Variants in ZDHHC2 observed in about 807,000 individuals in gnomAD.
The protein encoded by ZDHHC2 is palmitoyltransferase ZDHHC2.
A neutral mutation model predicts 55.6 loss-of-function variants in ZDHHC2; 51 were observed. That is an observed-to-expected ratio of 0.92 (90% CI 0.73 to 1.16). The LOEUF (loss-of-function observed/expected upper bound fraction) is 1.16, where lower values mean the gene tolerates loss of function less well. Among genes scored for constraint, ZDHHC2 ranks in the 50% most tolerant of loss-of-function variants. The pLI is 0.00. For synonymous variants in ZDHHC2, 199 were observed against 152.9 expected, an observed-to-expected ratio of 1.30 and a Z score of -2.22; for missense variants, 491 against 442.4, an observed-to-expected ratio of 1.11 and a Z score of -0.99.
At chr8:17,156,958 G>T (rs1804088872) in intron 1 of ZDHHC2, 105 bp downstream of exon 1, 2 of 1,157,864 alleles carry the variant, frequency 1.7e-6, no homozygotes, top group South Asian at 2.0e-5. Flanking sequence ...ATGCGCCCCG[G>T]GCGCTGCCAA....
intron 3 of ZDHHC2, among the ~76,000 whole-genome samples, chr8:17,187,740 C>T (rs1805788621): frequency 6.6e-6 from 1 of 152,082 alleles, no homozygotes. Context: ...GTAGTCTCAT[C>T]CACTCTGGTA....
intron 1 of ZDHHC2, among the ~76,000 whole-genome samples, chr8:17,170,567 T>C (rs1315401022): frequency 1.3e-5 from 2 of 152,230 alleles, no homozygotes; most frequent in Admixed American, 6.5e-5. Flanking sequence ...ACTCAACATA[T>C]AGCTGCTAAC....
intron 6 of ZDHHC2, among the ~76,000 whole-genome samples, chr8:17,202,512 AAC>A (rs1246717725): frequency 6.6e-6 from 1 of 152,218 alleles, no homozygotes; most frequent in Non-Finnish European, 1.5e-5. Flanking sequence ...GAACTTAAAC[AAC>A]ATAAGAAGAA....
At chr8:17,185,358 T>C (rs1041348487) in intron 2 of ZDHHC2, among the ~76,000 whole-genome samples, 2 of 151,970 alleles carry the variant, frequency 1.3e-5, no homozygotes, top group African/African-American at 4.8e-5. Flanking sequence ...ATATAGAAAA[T>C]TAATATTTAA....
chr8:17,223,747 C>T lies in ZDHHC2; in HGVS notation c.*3526C>T, dbSNP rs1444274144. The stretch of plus-strand genomic sequence containing the variant: ...AGATTTTACAACTGAGCAATCTGTT[C>T]CCCACCAGATTTCCTTTAGAATTTA... On this transcript the variant is annotated 3_prime_UTR_variant, in exon 13 of 13. Transcript: ENST00000262096. 1 of 151,818 alleles carries T rather than the reference C, an allele frequency of 6.6e-6. No individual in the cohort carries two copies. Among genetic ancestry groups the T allele is most frequent in the African/African-American group, 2.4e-5 (1 of 41,424 alleles). 9.4% of individuals were successfully genotyped at this position (151,818 alleles called of 1,614,324 possible).
At chr8:17,202,783 A>G (rs1806864562) in intron 6 of ZDHHC2, among the ~76,000 whole-genome samples, 1 of 151,842 alleles carries the variant, frequency 6.6e-6, no homozygotes, top group Non-Finnish European at 1.5e-5. Flanking sequence ...ACACACACAC[A>G]TACTCTATGT....
At chr8:17,214,824 A>C (rs895577632) in intron 10 of ZDHHC2, among the ~76,000 whole-genome samples, 2 of 152,088 alleles carry the variant, frequency 1.3e-5, no homozygotes, top group African/African-American at 4.8e-5. Context: ...GATTGATTTG[A>C]GCGAAGGAGG....
intron 3 of ZDHHC2, among the ~76,000 whole-genome samples, chr8:17,191,287 G>A (rs1806014384): frequency 6.6e-6 from 1 of 151,596 alleles, no homozygotes; most frequent in Non-Finnish European, 1.5e-5. Context: ...AATAGAGATG[G>A]GGTTTCGCCA....
At chr8:17,195,167 C>G (rs73669031) in intron 3 of ZDHHC2, among the ~76,000 whole-genome samples, 2,449 of 152,186 alleles carry the variant, frequency 0.016, 70 homozygotes, top group African/African-American at 0.056. Context: ...TATGTTTATT[C>G]ATTGGGCCAT....
Position 17,184,802 on chromosome 8 carries a change from C to G in ZDHHC2, c.144C>G (p.Asn48Lys). The change falls in exon 2 of 13, where the codon AAC (asparagine) becomes AAG (lysine). Residue 48 changes from asparagine to lysine, a missense_variant. Physicochemically the swap from Asn to Lys is moderately conservative, Grantham distance 94. Coordinates refer to ENST00000262096, the MANE Select transcript of ZDHHC2 (RefSeq NM_016353.5). ...TTCTCTTTACAGTGTCCATGGAAAACACTGGCGAACAAGGTAAGCTAGATT... is the reference window on the plus strand; with the variant it reads ...TTCTCTTTACAGTGTCCATGGAAAAGACTGGCGAACAAGGTAAGCTAGATT... ...AIQLCIVSME[N>K]TGEQVVCLMA... 2 of 1,550,078 alleles carry G rather than the reference C, an allele frequency of 1.3e-6. No homozygotes were observed. Among genetic ancestry groups the G allele is most frequent in the Non-Finnish European group, 1.7e-6 (2 of 1,146,248 alleles).
intron 9 of ZDHHC2, 115 bp downstream of exon 9, chr8:17,210,173 T>C: frequency 7.9e-7 from 1 of 1,268,330 alleles, no homozygotes; most frequent in Non-Finnish European, 1.1e-6. Flanking sequence ...GGAACTCTTA[T>C]TTTTAAAAAA....
intron 1 of ZDHHC2, among the ~76,000 whole-genome samples, chr8:17,177,415 G>A (rs995187524): frequency 6.6e-6 from 1 of 152,216 alleles, no homozygotes; most frequent in Admixed American, 6.5e-5. Context: ...GACAGGAGAT[G>A]TTAAAGCATA....
chr8:17,189,301 C>T (rs544843767), intron 3 of ZDHHC2, among the ~76,000 whole-genome samples: 11 of 152,098 alleles, frequency 7.2e-5, no homozygotes, highest in Admixed American at 5.9e-4. Context: ...CCACTACCCT[C>T]GGCTTTCCCT....
chr8:17,197,934 T>C (rs1429907702), intron 5 of ZDHHC2, among the ~76,000 whole-genome samples: 1 of 152,196 alleles, frequency 6.6e-6, no homozygotes, highest in Non-Finnish European at 1.5e-5. Flanking sequence ...ATGAGTGTTT[T>C]CCATTTTTAT....
chr8:17,163,871 G>C (rs1468805312), intron 1 of ZDHHC2, among the ~76,000 whole-genome samples: 1 of 152,162 alleles, frequency 6.6e-6, no homozygotes, highest in East Asian at 1.9e-4. Flanking sequence ...ATACTACAGA[G>C]AATTTATAAT....
chr8:17,176,322 C>G (rs186242824), intron 1 of ZDHHC2, among the ~76,000 whole-genome samples: 2 of 152,004 alleles, frequency 1.3e-5, no homozygotes, highest in Non-Finnish European at 2.9e-5. Flanking sequence ...TCAAGTTTTG[C>G]ACCATCGAAG....
chr8:17,201,390 G>A (rs1029293741), intron 6 of ZDHHC2, among the ~76,000 whole-genome samples: 2 of 150,012 alleles, frequency 1.3e-5, no homozygotes, highest in African/African-American at 4.9e-5. Context: ...TTTTCTACAG[G>A]CTTTGTGTGA....
At chr8:17,206,926 A>G (rs986536075) in intron 7 of ZDHHC2, among the ~76,000 whole-genome samples, 1 of 152,180 alleles carries the variant, frequency 6.6e-6, no homozygotes, top group East Asian at 1.9e-4. Context: ...ATTGCTAAGC[A>G]TAGAAAGACA....
At chr8:17,181,270 C>T (rs917311641) in intron 1 of ZDHHC2, among the ~76,000 whole-genome samples, 7 of 152,176 alleles carry the variant, frequency 4.6e-5, no homozygotes, top group African/African-American at 1.7e-4. Flanking sequence ...ATTAATGGGG[C>T]AGATGCTCTA....
Sources: allele counts gnomAD v4.1 joint callset (sites outside exome capture counted in the v4.1 genomes callset), GRCh38; gene constraint gnomAD v4.1.1; transcripts MANE v1.5; gene names NCBI Gene and HGNC (gene_info 2026-07-23, HGNC 2026-07-21).